The following LRRK1 variants were observed in gnomAD, a reference collection of about 807,000 sequenced individuals.
LRRK1 encodes the protein leucine rich repeat kinase 1.
In LRRK1, 113 loss-of-function variants were observed where a neutral mutation model predicts 209.1. The ratio of observed to expected loss-of-function variants is 0.54; its 90% confidence interval spans 0.46 to 0.63. LRRK1 has a LOEUF of 0.63. LRRK1 is among the 30% of genes least tolerant of loss of function. The pLI is 0.00. For missense variants in LRRK1, 2,284 were observed against 2,632.2 expected, an observed-to-expected ratio of 0.87 and a Z score of 2.89; for synonymous variants, 1,144 against 1,099.7, an observed-to-expected ratio of 1.04 and a Z score of -0.80.
intron 6 of LRRK1, among the ~76,000 whole-genome samples, chr15:100,997,753 A>G (rs2032486287): frequency 6.6e-6 from 1 of 152,242 alleles, no homozygotes; most frequent in Admixed American, 6.5e-5. Flanking sequence ...CTTTTCTCCC[A>G]GTGAACTGTT....
At chr15:101,058,906 A>G (rs990057364) in intron 29 of LRRK1, among the ~76,000 whole-genome samples, 6 of 152,160 alleles carry the variant, frequency 3.9e-5, no homozygotes, top group African/African-American at 1.4e-4. Context: ...GGTAGTAAAG[A>G]CGGCATCTGG....
Position 101,047,195 on chromosome 15 carries a change from A to G in LRRK1, c.3135+1043A>G, listed in dbSNP as rs147301518. Reference sequence around the variant, plus strand: ...AGCCCTTATTGAATTATAACTTCTTAGCTCTATAAAAATGTTCTTTGATCT... The same window carrying G: ...AGCCCTTATTGAATTATAACTTCTTGGCTCTATAAAAATGTTCTTTGATCT... On this transcript the variant is annotated intron_variant, in intron 21 of 33. Coordinates refer to ENST00000388948, the MANE Select transcript of LRRK1 (RefSeq NM_024652.6). 9.0e-3 allele frequency among the ~76,000 whole-genome samples: 1,378 copies of G among 152,328 alleles called. 4 individuals are homozygous for G. Among genetic ancestry groups the G allele is most frequent in the Non-Finnish European group, 0.013 (877 of 68,020 alleles).
rs758359487 is a variant in LRRK1, at chr15:101,046,083, C to T, written c.3066C>T (p.Phe1022=). The T allele has an allele frequency of 1.5e-4, 248 of 1,614,124 alleles. No individual in the cohort carries two copies. The highest frequency in any genetic ancestry group is 2.0e-4 in the Non-Finnish European group (241 of 1,180,062). The change falls in exon 21 of 34, where the codon TTC becomes TTT. Residue 1022 remains phenylalanine (F), a synonymous_variant. Transcript: ENST00000388948. ...TTCAGAGGGTATTTAAGATGAGCTT[C>T]GTTCCCGTTGGCTTCTGGCAAAGGT... ...NTIQRVFKMS[F]VPVGFWQRFI...
At chr15:100,973,079 C>T (rs961192301) in intron 2 of LRRK1, among the ~76,000 whole-genome samples, 1 of 152,268 alleles carries the variant, frequency 6.6e-6, no homozygotes, top group African/African-American at 2.4e-5. Context: ...CCCTCGGCTC[C>T]TCCTGCACCC....
At chr15:100,987,355 G>A (rs987617061) in intron 4 of LRRK1, among the ~76,000 whole-genome samples, 1 of 152,130 alleles carries the variant, frequency 6.6e-6, no homozygotes, top group Non-Finnish European at 1.5e-5. Context: ...TGCAGAAGAT[G>A]AGGTCATTTT....
chr15:101,049,961 TG>T (rs903426787), intron 23 of LRRK1, among the ~76,000 whole-genome samples, 178 bp downstream of exon 23: 3 of 151,734 alleles, frequency 2.0e-5, no homozygotes, highest in African/African-American at 7.3e-5. Context: ...GCTCTGTCAC[TG>T]GGGGGAGTCC....
chr15:101,005,320 G>A (rs760272987), intron 6 of LRRK1, among the ~76,000 whole-genome samples: 2 of 151,816 alleles, frequency 1.3e-5, no homozygotes, highest in South Asian at 2.1e-4. Context: ...TTTGCAAGAC[G>A]ACCACCGGAA....
chr15:100,963,161 G>C (rs1258122595), intron 2 of LRRK1, among the ~76,000 whole-genome samples: 10 of 151,898 alleles, frequency 6.6e-5, no homozygotes, highest in Non-Finnish European at 1.0e-4. Context: ...TCTGTGTTCT[G>C]TGTTTTTCCT....
At position 100,983,835 on chromosome 15, in the gene LRRK1, C is replaced by G. The variant is rs576262237; in HGVS notation, c.433+136C>G. The G allele has an allele frequency of 6.6e-6, 6 of 906,848 alleles. No individual in the cohort carries two copies. The Middle Eastern group carries it at 1.1e-3, about 159-fold the overall frequency. 56.2% of individuals were successfully genotyped at this position (906,848 alleles called of 1,614,324 possible). A position where few individuals can be genotyped will look rare whatever the true frequency, so the allele number is the denominator to read the frequency against. On this transcript the variant is annotated intron_variant, in intron 4 of 33. Coordinates refer to ENST00000388948, the MANE Select transcript of LRRK1 (RefSeq NM_024652.6). ...ACAGGGTAGGCCATTGACACCCAAACAAAGTGAAGCTTGCCTGCCAGCCAC... is the reference window on the plus strand; with the variant it reads ...ACAGGGTAGGCCATTGACACCCAAAGAAAGTGAAGCTTGCCTGCCAGCCAC...
intron 3 of LRRK1, among the ~76,000 whole-genome samples, chr15:100,978,331 C>CA (rs1413927353): frequency 2.6e-5 from 4 of 152,136 alleles, no homozygotes; most frequent in African/African-American, 9.7e-5. Context: ...AAGGAGAACT[C>CA]AAAGAAACAA....
rs1013685115 is a variant in LRRK1 at position 101,077,585 on chromosome 15, C to G, written c.*8737C>G. On this transcript the variant is annotated 3_prime_UTR_variant, in exon 34 of 34. Transcript: ENST00000388948. ...TTTTCAATTCATACAAAACCGTATC[C>G]AGGTCATCACCAATAATTCTAAATG... The G allele has an allele frequency of 7.2e-5, 11 of 152,140 alleles. No homozygotes were observed. Among genetic ancestry groups the G allele is most frequent in the Non-Finnish European group, 1.0e-4 (7 of 68,032 alleles). The allele number at this position is 152,140 out of a possible 1,614,324, so 9.4% of individuals were successfully genotyped here.
chr15:101,067,473 G>C (rs991699661), intron 33 of LRRK1: 2 of 313,034 alleles, frequency 6.4e-6, no homozygotes, highest in Non-Finnish European at 1.3e-5. Context: ...GTACTTTGGA[G>C]CTCTTCCATT....
In LRRK1 at chr15:100,973,985, C is replaced by A; in HGVS notation, c.261+18C>A. 4.0e-6 allele frequency: 5 copies of A among 1,245,612 alleles called. No homozygotes were observed. Among genetic ancestry groups the A allele is most frequent in the Non-Finnish European group, 4.0e-6 (4 of 989,392 alleles). The allele number at this position is 1,245,612 out of a possible 1,614,324, so 77.2% of individuals were successfully genotyped here. ...TGGAAAAGGTAGGGGAGCGCCTGCCCCTGCGGCCACCCATGCAGCCCCGGG... is the reference window on the plus strand; with the variant it reads ...TGGAAAAGGTAGGGGAGCGCCTGCCACTGCGGCCACCCATGCAGCCCCGGG... On this transcript the variant is annotated intron_variant, in intron 3 of 33. Transcript: ENST00000388948.
intron 33 of LRRK1, among the ~76,000 whole-genome samples, chr15:101,066,997 C>G (rs1351175279): frequency 6.6e-6 from 1 of 152,208 alleles, no homozygotes; most frequent in Non-Finnish European, 1.5e-5. Context: ...AGTACCCTAC[C>G]TAACGAATGT....
chr15:101,004,730 T>A (rs2032861915), intron 6 of LRRK1, among the ~76,000 whole-genome samples: 1 of 152,228 alleles, frequency 6.6e-6, no homozygotes, highest in Non-Finnish European at 1.5e-5. Flanking sequence ...AGCCTGAGGC[T>A]GAGCCCCTGC....
rs112949883 is a variant in LRRK1, at chr15:100,969,935, C to A, written c.98-3869C>A. Among the ~76,000 whole-genome samples, 845 of 151,482 alleles carry A rather than the reference C, an allele frequency of 5.6e-3. 7 individuals are homozygous for A. The highest frequency in any genetic ancestry group is 0.02 in the African/African-American group (812 of 41,204). On this transcript the variant is annotated intron_variant, in intron 2 of 33. Transcript: ENST00000388948. ...CAGAGTTTTGCTCTTGTTGACTAGG[C>A]TGAAGTGCAGTGGTGCTACCTCAGC...
chr15:101,023,390 G>C (rs1030711405), intron 15 of LRRK1, among the ~76,000 whole-genome samples: 34 of 152,260 alleles, frequency 2.2e-4, no homozygotes, highest in African/African-American at 7.7e-4. Flanking sequence ...TTCAGTGCCA[G>C]GCAAATGGAA....
intron 9 of LRRK1, 22 bp from the exon 10 acceptor site, chr15:101,011,986 T>C (rs771019475): frequency 6.4e-7 from 1 of 1,566,844 alleles, no homozygotes; most frequent in Non-Finnish European, 8.6e-7. Context: ...ATATACATTT[T>C]TTTTTCTCGT....
At chr15:101,049,611 C>G in intron 22 of LRRK1, 33 bp from the exon 23 acceptor site, 1 of 1,606,184 alleles carries the variant, frequency 6.2e-7, no homozygotes. Context: ...AGAGCCAGAT[C>G]GCAATGGGCT....
Sources: allele counts gnomAD v4.1 joint callset (sites outside exome capture counted in the v4.1 genomes callset), GRCh38; gene constraint gnomAD v4.1.1; transcripts MANE v1.5; gene names NCBI Gene and HGNC (gene_info 2026-07-23, HGNC 2026-07-21).